COL5A2: variants seen among roughly 807,000 people sequenced by gnomAD.
COL5A2 encodes collagen type V alpha 2 chain.
COL5A2 carries 23 observed loss-of-function variants against 208.2 expected under a neutral mutation model. The ratio of observed to expected loss-of-function variants is 0.11; its 90% confidence interval spans 0.08 to 0.16. COL5A2 has a LOEUF of 0.16. COL5A2 is among the 10% of genes least tolerant of loss of function. The pLI, the probability that COL5A2 is intolerant of heterozygous loss-of-function variation, is 1.00. For missense variants in COL5A2, 1,590 were observed against 1,956.4 expected (o/e 0.81, Z 3.53); for synonymous variants, 625 against 628.5 (o/e 0.99, Z 0.08).
chr2:189,093,226 T>C (rs1338638555), intron 6 of COL5A2, among the ~76,000 whole-genome samples: 1 of 152,206 alleles, frequency 6.6e-6, no homozygotes, highest in Non-Finnish European at 1.5e-5. Flanking sequence ...AACCTCATCA[T>C]TCCCACAAGG....
chr2:189,201,621 A>G (rs935081227), intron 1 of COL5A2, among the ~76,000 whole-genome samples: 5 of 152,044 alleles, frequency 3.3e-5, no homozygotes, highest in African/African-American at 1.2e-4. Flanking sequence ...GAAATGTAAA[A>G]AAACCTAAGA....
chr2:189,422,299 C>T, the COL5A2 span, among the ~76,000 whole-genome samples: 1 of 151,904 alleles, frequency 6.6e-6, no homozygotes, highest in African/African-American at 2.4e-5. Flanking sequence ...ATTAACAAAA[C>T]AATAAGTGAC....
At chr2:189,337,511 GTTTTCAAT>G in the COL5A2 span, among the ~76,000 whole-genome samples, 1 of 152,144 alleles carries the variant, frequency 6.6e-6, no homozygotes, top group Non-Finnish European at 1.5e-5. Flanking sequence ...ATAAAAAAAA[GTTTTCAAT>G]TACCAGTACT....
the COL5A2 span, among the ~76,000 whole-genome samples, chr2:189,252,554 T>A: frequency 6.6e-6 from 1 of 151,846 alleles, no homozygotes; most frequent in African/African-American, 2.4e-5. Flanking sequence ...CAGGTGGGAA[T>A]TGAACAGTGA....
At chr2:189,185,393 G>A (rs1439419377) in intron 1 of COL5A2, among the ~76,000 whole-genome samples, 5 of 152,198 alleles carry the variant, frequency 3.3e-5, no homozygotes, top group African/African-American at 1.2e-4. Context: ...AAAGATAGAA[G>A]CAGGGACACC....
chr2:189,344,922 C>A, the COL5A2 span, among the ~76,000 whole-genome samples: 1 of 152,200 alleles, frequency 6.6e-6, no homozygotes, highest in Non-Finnish European at 1.5e-5. Flanking sequence ...GGTCAAGGAA[C>A]CAAAATGTGT....
At chr2:189,174,915 A>C (rs1215571572) in intron 1 of COL5A2, among the ~76,000 whole-genome samples, 1 of 152,230 alleles carries the variant, frequency 6.6e-6, no homozygotes, top group Non-Finnish European at 1.5e-5. Context: ...ATTTATCTAA[A>C]GACAAGAAGC....
At chr2:189,058,939 T>C (rs779314209) in intron 31 of COL5A2, 46 bp from the exon 32 acceptor site, 44 of 1,559,192 alleles carry the variant, frequency 2.8e-5, no homozygotes, top group Non-Finnish European at 3.7e-5. Flanking sequence ...GCTTTGAGTT[T>C]AGGCATTTAT....
At chr2:189,139,723 T>C (rs918101466) in intron 1 of COL5A2, among the ~76,000 whole-genome samples, 1 of 152,202 alleles carries the variant, frequency 6.6e-6, no homozygotes, top group African/African-American at 2.4e-5. Flanking sequence ...CTTTGTACTA[T>C]CGGTACAATT....
intron 1 of COL5A2, among the ~76,000 whole-genome samples, chr2:189,220,597 T>G (rs1166052941): frequency 6.6e-6 from 1 of 152,172 alleles, no homozygotes; most frequent in East Asian, 1.9e-4. Context: ...CACTTAGATA[T>G]ACATTCCAAA....
At chr2:189,418,577 C>T in the COL5A2 span, among the ~76,000 whole-genome samples, 276 of 152,262 alleles carry the variant, frequency 1.8e-3, no homozygotes, top group Admixed American at 3.7e-3. Flanking sequence ...GACATGGACA[C>T]GAAGTCCATT....
chr2:189,131,169 T>C lies in COL5A2; in HGVS notation c.98-20720A>G, dbSNP rs572519763. ...GAGCAGAGACCTGAGGGAAATAACA[T>C]AGTATTTTCAAATGACGATTCTTAT... On this transcript the variant is annotated intron_variant, in intron 1 of 53. Coordinates refer to ENST00000374866, the MANE Select transcript of COL5A2 (RefSeq NM_000393.5). Among the ~76,000 whole-genome samples, 3 of 152,204 alleles carry C rather than the reference T, an allele frequency of 2.0e-5. No homozygotes were observed. The East Asian group carries it at 5.8e-4, about 29-fold the overall frequency.
At chr2:189,053,145 C>A in intron 38 of COL5A2, 127 bp from the exon 39 acceptor site, 1 of 854,562 alleles carries the variant, frequency 1.2e-6, no homozygotes, top group Admixed American at 2.6e-5. Flanking sequence ...AGTATTAAAG[C>A]ATACTAAAGG....
At chr2:189,334,651 T>G in the COL5A2 span, among the ~76,000 whole-genome samples, 3 of 152,064 alleles carry the variant, frequency 2.0e-5, no homozygotes, top group Non-Finnish European at 4.4e-5. Context: ...AAGATCTCCT[T>G]TCTCCCCAAA....
the COL5A2 span, among the ~76,000 whole-genome samples, chr2:189,300,666 G>T: frequency 6.6e-6 from 1 of 152,218 alleles, no homozygotes; most frequent in Non-Finnish European, 1.5e-5. Flanking sequence ...TGTCTGAGAA[G>T]TAAGTAGCAA....
intron 13 of COL5A2, among the ~76,000 whole-genome samples, chr2:189,080,255 C>G (rs980315794): frequency 2.0e-4 from 31 of 152,056 alleles, no homozygotes; most frequent in African/African-American, 7.5e-4. Context: ...GTGTTCTCAC[C>G]CTTCAAACAC....
intron 1 of COL5A2, among the ~76,000 whole-genome samples, chr2:189,111,250 A>C (rs1289609343): frequency 3.3e-5 from 5 of 152,160 alleles, no homozygotes; most frequent in African/African-American, 9.7e-5. Flanking sequence ...GTGTGTGTAC[A>C]CATATTGCTC....
At position 189,082,285 on chromosome 2, in the gene COL5A2, G is replaced by A. The variant is rs142806069; in HGVS notation, c.853-1242C>T. Among the ~76,000 whole-genome samples, 79 of 152,244 alleles carry A rather than the reference G, an allele frequency of 5.2e-4. 1 individual carries two copies. The East Asian group carries it at 0.014, about 27-fold the overall frequency. On this transcript the variant is annotated intron_variant, in intron 12 of 53. Transcript: ENST00000374866. ...TATAACAAAATCAAAGCAATAATTCGTCTGTGACCTCTTGAAAGAAAATTA... is the reference window on the plus strand; with the variant it reads ...TATAACAAAATCAAAGCAATAATTCATCTGTGACCTCTTGAAAGAAAATTA...
the COL5A2 span, among the ~76,000 whole-genome samples, chr2:189,321,044 G>C: frequency 1.3e-5 from 2 of 152,150 alleles, no homozygotes; most frequent in African/African-American, 4.8e-5. Context: ...TTTCAACCCA[G>C]AATTTCATAT....
Sources: gnomAD v4.1 joint callset for allele counts (sites outside exome capture counted in the v4.1 genomes callset) on GRCh38, gnomAD v4.1.1 for gene constraint, MANE v1.5 for transcripts, NCBI Gene and HGNC (gene_info 2026-07-23, HGNC 2026-07-21) for gene names.